CLEC20A: variants seen among roughly 807,000 people sequenced by gnomAD.
CLEC20A encodes putative C-type lectin domain family 20 member A.
intron 5 of CLEC20A, chr1:178,484,618 G>C (rs1649088066): frequency 6.6e-6 from 1 of 152,118 alleles, no homozygotes; most frequent in Admixed American, 6.5e-5. Context: ...GGAGTTCAAG[G>C]CTGCAGTGAG....
In CLEC20A at chr1:178,482,416, C is replaced by T. The variant is rs535399128; in HGVS notation, c.1037-19G>A. ...GGGTGCCCTGAAAAAGAAAGTGCTA[C>T]CTGTTCAGGGGGATATTATCCTATT... On this transcript the variant is annotated intron_variant, in intron 6 of 7. Transcript: ENST00000623247. 1.3e-5 allele frequency: 5 copies of T among 398,552 alleles called. No homozygotes were observed. The highest frequency in any genetic ancestry group is 2.5e-4 in the South Asian group (2 of 7,854). 24.7% of individuals were successfully genotyped at this position (398,552 alleles called of 1,614,324 possible).
chr1:178,499,236 C>A (rs988156579), upstream of CLEC20A, among the ~76,000 whole-genome samples: 1 of 152,184 alleles, frequency 6.6e-6, no homozygotes, highest in Non-Finnish European at 1.5e-5. Context: ...ACAAAGCACT[C>A]GCTTCTCACA....
Position 178,493,048 on chromosome 1 carries a change from C to G in CLEC20A, c.398-482G>C, listed in dbSNP as rs567949441. Among the ~76,000 whole-genome samples, 5 of 152,342 alleles carry G rather than the reference C, an allele frequency of 3.3e-5. No homozygotes were observed. In the East Asian group the frequency reaches 9.7e-4, roughly 29 times the overall value. On this transcript the variant is annotated intron_variant, in intron 2 of 7. Transcript: ENST00000623247. ...TGATTTACCTTTTTAAAAGCTCACTCTGTGTAGAGAACAGATTTTAGGGGT... is the reference window on the plus strand; with the variant it reads ...TGATTTACCTTTTTAAAAGCTCACTGTGTGTAGAGAACAGATTTTAGGGGT...
At chr1:178,499,135 C>A (rs997637333), upstream of CLEC20A, among the ~76,000 whole-genome samples, 4 of 152,224 alleles carry the variant, frequency 2.6e-5, no homozygotes, top group Non-Finnish European at 5.9e-5. Context: ...AGGCCCAGCA[C>A]TCCCTGAGGG....
At chr1:178,495,197 G>A (rs1389033264) in intron 1 of CLEC20A, among the ~76,000 whole-genome samples, 3 of 152,164 alleles carry the variant, frequency 2.0e-5, no homozygotes, top group East Asian at 1.9e-4. Context: ...CTGAGCACCC[G>A]CCATGTGCCA....
chr1:178,496,979 G>A, upstream of CLEC20A: 1 of 400,124 alleles, frequency 2.5e-6, no homozygotes, highest in Non-Finnish European at 4.4e-6. Context: ...TGCTGGCTGG[G>A]CACGGGACAA....
At chr1:178,481,914 C>T (rs555097991) in intron 7 of CLEC20A, 2 of 158,452 alleles carry the variant, frequency 1.3e-5, no homozygotes, top group African/African-American at 4.8e-5. Flanking sequence ...ATCATAACAC[C>T]AACCATGTGA....
At chr1:178,486,528 G>A (rs150522743) in intron 5 of CLEC20A, 5 of 398,798 alleles carry the variant, frequency 1.3e-5, no homozygotes, top group African/African-American at 1.0e-4. Flanking sequence ...TCTGGGTCAC[G>A]GCTGGGCTCC....
intron 5 of CLEC20A, chr1:178,486,847 A>G: frequency 2.5e-6 from 1 of 398,372 alleles, no homozygotes. Context: ...TTCCGCGGGA[A>G]CCAAGGTGCC....
exon 8 of CLEC20A, chr1:178,479,606 C>T (rs1648892700): frequency 2.5e-6 from 1 of 398,498 alleles, no homozygotes; most frequent in Non-Finnish European, 4.4e-6. Flanking sequence ...AGCTTTAAGA[C>T]TTCCTGGATC....
At chr1:178,498,565 G>A (rs1649453892), upstream of CLEC20A, among the ~76,000 whole-genome samples, 2 of 152,148 alleles carry the variant, frequency 1.3e-5, no homozygotes, top group Non-Finnish European at 2.9e-5. Flanking sequence ...ACTCCAGCCT[G>A]GGAGACAGGG....
chr1:178,484,159 T>C (rs1246491763), intron 5 of CLEC20A: 1 of 152,218 alleles, frequency 6.6e-6, no homozygotes, highest in Non-Finnish European at 1.5e-5. Context: ...ACCGTGTGTG[T>C]GGAAGGTGCA....
At chr1:178,498,727 G>T (rs1649456744), upstream of CLEC20A, among the ~76,000 whole-genome samples, 1 of 152,178 alleles carries the variant, frequency 6.6e-6, no homozygotes. Context: ...TTTAGGCCCA[G>T]AGCCCTCTCT....
At chr1:178,491,180 G>C (rs749391483) in intron 3 of CLEC20A, among the ~76,000 whole-genome samples, 1 of 152,210 alleles carries the variant, frequency 6.6e-6, no homozygotes, top group African/African-American at 2.4e-5. Flanking sequence ...GACAGGCCCA[G>C]CCTACCCTGC....
At chr1:178,483,201 T>C (rs1016892522) in exon 6 of CLEC20A, 1 of 398,656 alleles carries the variant, frequency 2.5e-6, no homozygotes, top group Admixed American at 4.4e-5. Flanking sequence ...TGTTTTTTCT[T>C]TAGATTCTGA....
exon 2 of CLEC20A, chr1:178,494,792 C>T: frequency 2.5e-6 from 1 of 399,436 alleles, no homozygotes; most frequent in Non-Finnish European, 4.4e-6. Context: ...GTCCCTCTTA[C>T]TGCTCACCAG....
chr1:178,492,416 A>G, intron 3 of CLEC20A, 85 bp downstream of exon 3: 1 of 398,622 alleles, frequency 2.5e-6, no homozygotes, highest in East Asian at 3.6e-5. Flanking sequence ...GCGGGGGTGG[A>G]GATCCTGCTG....
chr1:178,497,399 G>T (rs1276438153), upstream of CLEC20A, among the ~76,000 whole-genome samples: 3 of 152,228 alleles, frequency 2.0e-5, no homozygotes, highest in East Asian at 5.8e-4. Flanking sequence ...GTAAAGAAAT[G>T]ATCTGAAGGG....
At chr1:178,483,425 G>A in intron 5 of CLEC20A, 143 bp from the exon 6 acceptor site, 1 of 394,652 alleles carries the variant, frequency 2.5e-6, no homozygotes, top group Non-Finnish European at 4.5e-6. Context: ...AGCGATGTGG[G>A]AAGCTCAATT....
Sources: gnomAD v4.1 joint callset for allele counts (sites outside exome capture counted in the v4.1 genomes callset) on GRCh38, gnomAD v4.1.1 for gene constraint, MANE v1.5 for transcripts, NCBI Gene and HGNC (gene_info 2026-07-23, HGNC 2026-07-21) for gene names.